The following PSD3 variants were observed in gnomAD, a reference collection of about 807,000 sequenced individuals.
PSD3 encodes the protein pleckstrin and Sec7 domain containing 3.
PSD3 carries 49 observed loss-of-function variants against 105.5 expected under a neutral mutation model. The ratio of observed to expected loss-of-function variants is 0.46; its 90% CI spans 0.37 to 0.59. The LOEUF is 0.59. Ranked by LOEUF, PSD3 falls within the 20% of genes least tolerant of loss-of-function variation. The pLI is 0.00. For synonymous variants in PSD3, 557 were observed against 457.8 expected, an observed-to-expected ratio of 1.22 and a Z score of -2.77; for missense variants, 1,561 against 1,263.8, an observed-to-expected ratio of 1.24 and a Z score of -3.57.
intron 4 of PSD3, among the ~76,000 whole-genome samples, chr8:18,814,482 T>C (rs1200534433): frequency 1.3e-5 from 2 of 152,192 alleles, no homozygotes; most frequent in Admixed American, 1.3e-4. Context: ...GGTTTTCACT[T>C]TTTGTTTTAT....
At chr8:18,957,101 G>C (rs1563461257) in intron 1 of PSD3, among the ~76,000 whole-genome samples, 1 of 152,158 alleles carries the variant, frequency 6.6e-6, no homozygotes, top group Admixed American at 6.5e-5. Context: ...GCTGGGCATG[G>C]TGGCTTTCAC....
rs1339524506 is a variant in PSD3, at chr8:18,872,541, G to A, written c.323C>T (p.Thr108Ile). The A allele has an allele frequency of 3.1e-6, 5 of 1,614,052 alleles. No homozygotes were observed. Among genetic ancestry groups the A allele is most frequent in the Non-Finnish European group, 4.2e-6 (5 of 1,179,992 alleles). ...TGCHSGLDSV[T>I]EGPKDVREAP... ...CTCTCTGACATCTTTTGGTCCTTCT[G>A]TAACACTGTCGAGCCCAGAGTGGCA... The change falls in exon 3 of 16, where the codon ACA (threonine) becomes ATA (isoleucine). Residue 108 changes from threonine to isoleucine, a missense_variant. Thr to Ile is a moderately conservative substitution (Grantham distance 89, BLOSUM62 -1). Transcript: ENST00000327040.
chr8:18,731,582 C>A (rs753382611), intron 9 of PSD3, among the ~76,000 whole-genome samples: 1 of 152,118 alleles, frequency 6.6e-6, no homozygotes, highest in African/African-American at 2.4e-5. Context: ...AACAATAAAT[C>A]TTTTAAGTAC....
At chr8:19,044,277 G>A (rs192755230) in intron 1 of PSD3, among the ~76,000 whole-genome samples, 62 of 152,266 alleles carry the variant, frequency 4.1e-4, no homozygotes, top group Admixed American at 3.6e-3. Flanking sequence ...TCTCCTAGCT[G>A]CTTTTTCTCC....
chr8:18,681,348 T>TATC (rs1800376150), intron 9 of PSD3, among the ~76,000 whole-genome samples: 1 of 150,248 alleles, frequency 6.7e-6, no homozygotes, highest in Non-Finnish European at 1.5e-5. Context: ...AGCTCGTGCC[T>TATC]ATCATCCCAA....
chr8:18,877,619 G>A (rs1382956161), intron 2 of PSD3, among the ~76,000 whole-genome samples: 1 of 149,048 alleles, frequency 6.7e-6, no homozygotes, highest in Non-Finnish European at 1.5e-5. Flanking sequence ...ACAGTTCACT[G>A]CAGTGTTGAC....
chr8:18,714,304 C>T (rs182423716), intron 9 of PSD3, among the ~76,000 whole-genome samples: 1 of 152,118 alleles, frequency 6.6e-6, no homozygotes, highest in Non-Finnish European at 1.5e-5. Context: ...TAAAGAGCTT[C>T]TTCACAGCAA....
chr8:18,612,341 A>G lies in PSD3; in HGVS notation c.2411-11907T>C, dbSNP rs542829775. ...TATTCGGAATTTTTTTTGTAAGTCA[A>G]TGTTTGAGAACACCGCTTTAACGTT... On this transcript the variant is annotated intron_variant, in intron 11 of 15. Transcript: ENST00000327040. Among the ~76,000 whole-genome samples the G allele has an allele frequency of 2.6e-5, 4 of 151,958 alleles. No homozygotes were observed. The South Asian group carries it at 6.2e-4, about 24-fold the overall frequency.
intron 1 of PSD3, among the ~76,000 whole-genome samples, chr8:19,009,784 G>C (rs748829041): frequency 2.0e-5 from 3 of 151,778 alleles, no homozygotes; most frequent in Admixed American, 6.5e-5. Flanking sequence ...CCAGCCACTC[G>C]GGAGGCTGAG....
At chr8:18,635,342 G>C (rs1178039185) in intron 10 of PSD3, among the ~76,000 whole-genome samples, 1 of 151,882 alleles carries the variant, frequency 6.6e-6, no homozygotes, top group East Asian at 1.9e-4. Flanking sequence ...TCATTGCTTT[G>C]GGGTCCTCCC....
intron 9 of PSD3, among the ~76,000 whole-genome samples, chr8:18,712,141 T>C (rs775090482): frequency 3.3e-5 from 5 of 151,984 alleles, no homozygotes; most frequent in Non-Finnish European, 5.9e-5. Flanking sequence ...AGAGGGACAT[T>C]TACAGTACTA....
chr8:18,967,023 T>G (rs1301706068), intron 1 of PSD3, among the ~76,000 whole-genome samples: 4 of 152,200 alleles, frequency 2.6e-5, no homozygotes, highest in Non-Finnish European at 5.9e-5. Flanking sequence ...AATTCCAATC[T>G]GCTTGCCTGG....
chr8:18,931,607 C>A (rs1042859390), intron 2 of PSD3, among the ~76,000 whole-genome samples: 4 of 152,192 alleles, frequency 2.6e-5, no homozygotes, highest in African/African-American at 9.6e-5. Flanking sequence ...AAAATTATAA[C>A]ACATTTCCTA....
chr8:18,692,596 G>T (rs1247973023), intron 9 of PSD3, among the ~76,000 whole-genome samples: 2 of 152,158 alleles, frequency 1.3e-5, no homozygotes, highest in African/African-American at 4.8e-5. Context: ...GAAGGATGAT[G>T]AGAGGCTTTT....
At chr8:19,001,401 T>G (rs899690350) in intron 1 of PSD3, among the ~76,000 whole-genome samples, 1 of 150,872 alleles carries the variant, frequency 6.6e-6, no homozygotes, top group African/African-American at 2.5e-5. Flanking sequence ...CCCCAACACA[T>G]GCACAGTTTC....
chr8:19,070,257 C>T (rs1258999596), intron 1 of PSD3, among the ~76,000 whole-genome samples: 1 of 151,764 alleles, frequency 6.6e-6, no homozygotes, highest in Admixed American at 6.6e-5. Flanking sequence ...AAGGTTTAAA[C>T]CTTTTATTTT....
At chr8:18,537,049 T>C (rs1410969675) in intron 15 of PSD3, among the ~76,000 whole-genome samples, 2 of 152,188 alleles carry the variant, frequency 1.3e-5, no homozygotes, top group East Asian at 1.9e-4. Flanking sequence ...AGTTTTAAGT[T>C]AGTAATTTAG....
At chr8:18,592,365 A>G (rs945958162) in intron 12 of PSD3, among the ~76,000 whole-genome samples, 1 of 152,154 alleles carries the variant, frequency 6.6e-6, no homozygotes, top group Non-Finnish European at 1.5e-5. Flanking sequence ...AAAAGAGTTA[A>G]GAGAGCCTTA....
intron 14 of PSD3, among the ~76,000 whole-genome samples, chr8:18,559,966 CA>C (rs754673396): frequency 5.9e-5 from 9 of 152,128 alleles, no homozygotes; most frequent in Non-Finnish European, 1.3e-4. Context: ...TGCTGATGTT[CA>C]ATGAGAAATG....
Sources: gnomAD v4.1 joint callset for allele counts (sites outside exome capture counted in the v4.1 genomes callset) on GRCh38, gnomAD v4.1.1 for gene constraint, MANE v1.5 for transcripts, NCBI Gene and HGNC (gene_info 2026-07-23, HGNC 2026-07-21) for gene names.